Variants in TLN2 observed in about 807,000 individuals in gnomAD.
TLN2 encodes the protein talin 2.
TLN2 carries 118 observed loss-of-function variants against 294.7 expected under a neutral mutation model. That is an observed-to-expected ratio of 0.40 (90% CI 0.34 to 0.47). The LOEUF is 0.47. Ranked by LOEUF, TLN2 falls within the 20% of genes least tolerant of loss-of-function variation. The probability of loss-of-function intolerance (pLI) is 0.84; values close to 1 mark genes in which losing one functional copy is unlikely to be tolerated. For synonymous variants in TLN2, 1,431 were observed against 1,304.5 expected (o/e 1.10, Z -2.09); for missense variants, 3,083 against 3,282.2 (o/e 0.94, Z 1.48).
At chr15:62,561,739 A>AT (rs5813152) in intron 1 of TLN2, among the ~76,000 whole-genome samples, 66,894 of 151,552 alleles carry the variant, frequency 0.44, 15,260 homozygotes, top group African/African-American at 0.55. Context: ...TGGTCTTCAG[A>AT]CCCCACCCTG....
chr15:62,553,938 T>A (rs1449595269), intron 1 of TLN2, among the ~76,000 whole-genome samples: 1 of 137,400 alleles, frequency 7.3e-6, no homozygotes, highest in Non-Finnish European at 1.6e-5. Flanking sequence ...TAATCTAATC[T>A]TTTTTTTTTT....
intron 1 of TLN2, among the ~76,000 whole-genome samples, chr15:62,428,338 T>G (rs567515765): frequency 6.6e-6 from 1 of 151,832 alleles, no homozygotes; most frequent in Admixed American, 6.6e-5. Flanking sequence ...GGTTTCCAAC[T>G]AGAAGCTTAT....
intron 28 of TLN2, among the ~76,000 whole-genome samples, chr15:62,733,269 T>C (rs1210490345): frequency 6.6e-6 from 1 of 152,142 alleles, no homozygotes; most frequent in African/African-American, 2.4e-5. Flanking sequence ...GACTTAAGCA[T>C]CCATTAGCTT....
intron 12 of TLN2, among the ~76,000 whole-genome samples, chr15:62,691,923 C>G (rs1160998576): frequency 6.6e-6 from 1 of 152,174 alleles, no homozygotes; most frequent in Non-Finnish European, 1.5e-5. Flanking sequence ...ATCCTCTCGC[C>G]TCAACCTCCC....
Position 62,774,599 on chromosome 15 carries a change from G to A in TLN2, c.5368-2165G>A, listed in dbSNP as rs372400600. On this transcript the variant is annotated intron_variant, in intron 42 of 58. Transcript: ENST00000636159. Reference sequence around the variant, plus strand: ...TGGAGTAATTGGAGGAGGCTTCATAGAAGAGGTAGACGTTGAGCTGACCCT... The same window carrying A: ...TGGAGTAATTGGAGGAGGCTTCATAAAAGAGGTAGACGTTGAGCTGACCCT... 6.6e-5 allele frequency among the ~76,000 whole-genome samples: 10 copies of A among 152,320 alleles called. No homozygotes were observed. In the East Asian group the frequency reaches 1.4e-3, roughly 21 times the overall value.
chr15:62,762,773 C>T (rs2062755804), intron 39 of TLN2, among the ~76,000 whole-genome samples: 1 of 152,156 alleles, frequency 6.6e-6, no homozygotes, highest in Admixed American at 6.5e-5. Flanking sequence ...CCCAAGGTCA[C>T]CTTAAGGCCC....
At chr15:62,434,343 T>A (rs189722118) in intron 1 of TLN2, among the ~76,000 whole-genome samples, 68 of 152,364 alleles carry the variant, frequency 4.5e-4, no homozygotes, top group Non-Finnish European at 5.7e-4. Context: ...CCTATTAGAT[T>A]ATATAGAATA....
chr15:62,561,167 G>C (rs926771332), intron 1 of TLN2, among the ~76,000 whole-genome samples: 4 of 152,180 alleles, frequency 2.6e-5, no homozygotes, highest in Non-Finnish European at 5.9e-5. Flanking sequence ...GGGAATAATA[G>C]GACTTGCACC....
At chr15:62,607,699 G>T (rs546316750) in intron 2 of TLN2, among the ~76,000 whole-genome samples, 1 of 152,292 alleles carries the variant, frequency 6.6e-6, no homozygotes, top group East Asian at 1.9e-4. Flanking sequence ...TTTGACCCCT[G>T]TGTGGAAAAG....
At chr15:62,655,921 T>C in intron 7 of TLN2, 23 bp from the exon 8 acceptor site, 1 of 1,613,816 alleles carries the variant, frequency 6.2e-7, no homozygotes, top group South Asian at 1.1e-5. Flanking sequence ...CACAGTTCTC[T>C]TATATGTCTT....
At chr15:62,653,865 G>C (rs12441042) in intron 7 of TLN2, among the ~76,000 whole-genome samples, 85,599 of 151,946 alleles carry the variant, frequency 0.56, 25,780 homozygotes, top group Middle Eastern at 0.72. Flanking sequence ...TTAATAGTGT[G>C]AACTGGGATC....
At chr15:62,729,457 G>C (rs1423369258) in intron 28 of TLN2, among the ~76,000 whole-genome samples, 1 of 152,052 alleles carries the variant, frequency 6.6e-6, no homozygotes, top group Non-Finnish European at 1.5e-5. Context: ...GGGGAGAATT[G>C]ACTTCTTTAT....
intron 11 of TLN2, among the ~76,000 whole-genome samples, chr15:62,677,508 C>T (rs1238638992): frequency 2.0e-5 from 3 of 152,124 alleles, no homozygotes; most frequent in Non-Finnish European, 4.4e-5. Context: ...TAAATTTGTT[C>T]TTCAGTGACA....
At chr15:62,444,890 C>G (rs1380989841) in intron 1 of TLN2, among the ~76,000 whole-genome samples, 2 of 152,320 alleles carry the variant, frequency 1.3e-5, no homozygotes, top group Non-Finnish European at 2.9e-5. Flanking sequence ...TGCCTGTCAT[C>G]TGCAGTGTTG....
intron 21 of TLN2, among the ~76,000 whole-genome samples, chr15:62,711,405 A>G (rs560222046): frequency 6.6e-6 from 1 of 152,346 alleles, no homozygotes; most frequent in Middle Eastern, 3.4e-3. Flanking sequence ...GAAGCTAATA[A>G]GCGAAGGCCA....
At chr15:62,736,414 G>T (rs1431831069) in intron 28 of TLN2, among the ~76,000 whole-genome samples, 1 of 152,174 alleles carries the variant, frequency 6.6e-6, no homozygotes, top group Non-Finnish European at 1.5e-5. Flanking sequence ...ACAACTGATG[G>T]TGGATATGTG....
chr15:62,833,736 T>C, intron 55 of TLN2, 107 bp downstream of exon 55: 2 of 1,438,310 alleles, frequency 1.4e-6, no homozygotes, highest in Non-Finnish European at 1.8e-6. Context: ...ACACATGCAG[T>C]GCCTTCCCTC....
intron 38 of TLN2, 32 bp from the exon 39 acceptor site, chr15:62,762,240 C>G (rs2030040): frequency 0.66 from 1,062,547 of 1,612,076 alleles, 353,606 homozygotes; most frequent in Non-Finnish European, 0.68. Context: ...GTCTTCGACC[C>G]TGACTTTGAT....
chr15:62,638,430 A>G, intron 3 of TLN2: 1 of 425,426 alleles, frequency 2.4e-6, no homozygotes, highest in South Asian at 1.7e-5. Context: ...TAATGATGGA[A>G]TTCCAGGTGC....
Sources: gnomAD v4.1 joint callset for allele counts (sites outside exome capture counted in the v4.1 genomes callset) on GRCh38, gnomAD v4.1.1 for gene constraint, MANE v1.5 for transcripts, NCBI Gene and HGNC (gene_info 2026-07-23, HGNC 2026-07-21) for gene names.